EIF3E: variants seen among roughly 807,000 people sequenced by gnomAD.
EIF3E encodes the protein eIF-3 p48.
In EIF3E, 25 loss-of-function variants were observed where a neutral mutation model predicts 59.3. The observed-to-expected ratio is 0.42, with a 90% confidence interval of 0.31 to 0.59. EIF3E has a LOEUF of 0.59. Among genes scored for constraint, EIF3E ranks in the 20% least tolerant of loss-of-function variants. EIF3E has a pLI of 0.15. For synonymous variants in EIF3E, 176 were observed against 170.2 expected (o/e 1.03, Z -0.26); for missense variants, 317 against 534.3 (o/e 0.59, Z 4.01).
Position 108,215,955 on chromosome 8 carries a change from T to C in EIF3E, c.951+457A>G, listed in dbSNP as rs1241417095. On this transcript the variant is annotated intron_variant, in intron 9 of 12. Coordinates refer to ENST00000220849, the MANE Select transcript of EIF3E (RefSeq NM_001568.3). Reference sequence around the variant, plus strand: ...AATGAATTGCCTGGTTTATCACAAATGTTAAATACAACCATGGGAAATATT... The same window carrying C: ...AATGAATTGCCTGGTTTATCACAAACGTTAAATACAACCATGGGAAATATT... Among the ~76,000 whole-genome samples the C allele has an allele frequency of 2.0e-5, 3 of 152,290 alleles. No homozygotes were observed. In the East Asian group the frequency reaches 5.8e-4, roughly 29 times the overall value.
Position 108,216,517 on chromosome 8 carries a change from TA to T in EIF3E, c.850-5del. 6.3e-7 allele frequency: 1 copy of T among 1,581,158 alleles called. No homozygotes were observed. The highest frequency in any genetic ancestry group is 1.7e-5 in the Admixed American group (1 of 57,738). On this transcript the variant is annotated splice_region_variant and splice_polypyrimidine_tract_variant and intron_variant, in intron 8 of 12. Coordinates refer to ENST00000220849, the MANE Select transcript of EIF3E (RefSeq NM_001568.3). ...GGTCTTTATATGTGTAAGACTCCTG[TA>T]AAAATAAGTCAACGGTCAAGGTAAG...
At chr8:108,210,644 C>T (rs187002095) in intron 10 of EIF3E, among the ~76,000 whole-genome samples, 335 of 152,172 alleles carry the variant, frequency 2.2e-3, no homozygotes, top group Non-Finnish European at 4.0e-3. Flanking sequence ...ATTTGTACAA[C>T]GTGCAGGTTT....
At chr8:108,241,713 G>A in intron 2 of EIF3E, 86 bp downstream of exon 2, 1 of 726,256 alleles carries the variant, frequency 1.4e-6, no homozygotes, top group South Asian at 2.9e-5. Flanking sequence ...AAGCCTTTTG[G>A]CTAAAGCTGT....
intron 9 of EIF3E, 119 bp from the exon 10 acceptor site, chr8:108,214,835 A>C (rs1428901909): frequency 1.3e-6 from 1 of 766,066 alleles, no homozygotes; most frequent in Non-Finnish European, 2.1e-6. Context: ...ATACCACAGC[A>C]CTTTCTAGAA....
rs1815191268 is a variant in EIF3E at position 108,210,736 on chromosome 8, T to TC, written c.1061+3870dup. ...ACATTAGGTATATCTCCTAATGCTA[T>TC]CCCTCCCCACTCCCCCCACCCCACG... On this transcript the variant is annotated intron_variant, in intron 10 of 12. Coordinates refer to ENST00000220849, the MANE Select transcript of EIF3E (RefSeq NM_001568.3). Among the ~76,000 whole-genome samples, 5 of 152,170 alleles carry TC rather than the reference T, an allele frequency of 3.3e-5. No homozygotes were observed. The South Asian group carries it at 1.0e-3, about 32-fold the overall frequency.
At chr8:108,221,903 A>T (rs896183558) in intron 7 of EIF3E, among the ~76,000 whole-genome samples, 1 of 152,192 alleles carries the variant, frequency 6.6e-6, no homozygotes, top group Non-Finnish European at 1.5e-5. Flanking sequence ...AAATATTATT[A>T]TTCTTTTCAC....
intron 10 of EIF3E, among the ~76,000 whole-genome samples, chr8:108,203,970 T>G (rs900388594): frequency 6.6e-6 from 1 of 151,790 alleles, no homozygotes; most frequent in Non-Finnish European, 1.5e-5. Flanking sequence ...ATAATACAAA[T>G]GAAAAACCAA....
intron 1 of EIF3E, chr8:108,242,329 C>A (rs1815854962): frequency 3.1e-6 from 4 of 1,289,652 alleles, no homozygotes; most frequent in Non-Finnish European, 4.0e-6. Context: ...GCTTCTCCAT[C>A]CACATTGCTG....
chr8:108,228,447 G>A, intron 6 of EIF3E, 56 bp from the exon 7 acceptor site: 3 of 1,292,212 alleles, frequency 2.3e-6, no homozygotes, highest in Admixed American at 3.3e-5. Flanking sequence ...AAAGAGGCAG[G>A]AGGACAAACA....
intron 1 of EIF3E, chr8:108,242,155 C>T (rs1348323040): frequency 7.2e-7 from 1 of 1,380,794 alleles, no homozygotes; most frequent in Admixed American, 2.2e-5. Flanking sequence ...ACATTCCCAC[C>T]TACTTCTGAT....
intron 4 of EIF3E, among the ~76,000 whole-genome samples, chr8:108,235,723 C>T (rs1815717637): frequency 6.6e-6 from 1 of 152,192 alleles, no homozygotes. Context: ...TTGATAATTT[C>T]AAAGGCTATT....
At chr8:108,223,994 G>A (rs988422291) in intron 7 of EIF3E, among the ~76,000 whole-genome samples, 13 of 151,018 alleles carry the variant, frequency 8.6e-5, no homozygotes, top group Non-Finnish European at 1.8e-4. Flanking sequence ...AAGGTGGGCG[G>A]GTCACGAGGT....
At chr8:108,203,335 A>T in intron 11 of EIF3E, 66 bp downstream of exon 11, 2 of 1,430,674 alleles carry the variant, frequency 1.4e-6, no homozygotes, top group African/African-American at 1.4e-5. Flanking sequence ...AAAATGTCCT[A>T]GTTAAGAATT....
At chr8:108,229,313 A>C (rs1286029178) in intron 5 of EIF3E, 118 bp from the exon 6 acceptor site, 2 of 1,012,658 alleles carry the variant, frequency 2.0e-6, no homozygotes, top group East Asian at 2.8e-5. Context: ...TTCTACAAAA[A>C]ACTGTAATTA....
intron 10 of EIF3E, among the ~76,000 whole-genome samples, chr8:108,205,832 T>C (rs936246747): frequency 3.9e-5 from 6 of 152,196 alleles, no homozygotes; most frequent in African/African-American, 1.4e-4. Flanking sequence ...TGCTGGCATA[T>C]TGTTATAATT....
In EIF3E at chr8:108,217,596, T is replaced by C. The variant is rs190416586; in HGVS notation, c.723-136A>G. The stretch of plus-strand genomic sequence containing the variant: ...TAAGAATGAGTATTATAAGAAAATC[T>C]CCTCCAAGGAAATTTAAAAACAGAA... On this transcript the variant is annotated intron_variant, in intron 7 of 12. Coordinates refer to ENST00000220849, the MANE Select transcript of EIF3E (RefSeq NM_001568.3). 2.5e-3 allele frequency: 1,620 copies of C among 640,502 alleles called. 23 individuals carry two copies. Among genetic ancestry groups the C allele is most frequent in the East Asian group, 2.4e-3 (72 of 29,860 alleles). 39.7% of individuals were successfully genotyped at this position (640,502 alleles called of 1,614,324 possible).
chr8:108,242,107 C>CT, intron 1 of EIF3E, 194 bp from the exon 2 acceptor site: 1 of 1,455,296 alleles, frequency 6.9e-7, no homozygotes, highest in South Asian at 1.2e-5. Context: ...AAGTATTTTA[C>CT]TTACCTAAAA....
At chr8:108,223,656 C>T (rs1329893883) in intron 7 of EIF3E, among the ~76,000 whole-genome samples, 1 of 152,184 alleles carries the variant, frequency 6.6e-6, no homozygotes, top group Non-Finnish European at 1.5e-5. Context: ...TTTTTCCTAA[C>T]AGCATCTACA....
At chr8:108,202,864 T>G in intron 12 of EIF3E, 119 bp downstream of exon 12, 1 of 1,185,452 alleles carries the variant, frequency 8.4e-7, no homozygotes, top group African/African-American at 1.5e-5. Flanking sequence ...CTTAAAAATG[T>G]TCATATCTTT....
Sources: allele counts gnomAD v4.1 joint callset (sites outside exome capture counted in the v4.1 genomes callset), GRCh38; gene constraint gnomAD v4.1.1; transcripts MANE v1.5; gene names NCBI Gene and HGNC (gene_info 2026-07-23, HGNC 2026-07-21).